Variants in NDUFS1 observed in about 807,000 individuals in gnomAD.
NDUFS1 encodes the protein NADH-ubiquinone oxidoreductase 75 kDa subunit, mitochondrial.
NDUFS1 carries 61 observed loss-of-function variants against 84.4 expected under a neutral mutation model. The ratio of observed to expected loss-of-function variants is 0.72; its 90% CI spans 0.59 to 0.89. NDUFS1 has a LOEUF of 0.89. Ranked by LOEUF, NDUFS1 falls within the 40% of genes least tolerant of loss-of-function variation. The pLI is 0.00. For synonymous variants in NDUFS1, 275 were observed against 290.0 expected (o/e 0.95, Z 0.53); for missense variants, 891 against 890.0 (o/e 1.00, Z -0.01).
chr2:206,126,936 A>G (rs1374097792), intron 16 of NDUFS1, 92 bp from the exon 17 acceptor site: 1 of 1,494,960 alleles, frequency 6.7e-7, no homozygotes, highest in Non-Finnish European at 9.2e-7. Flanking sequence ...GAAATAATGC[A>G]GCACTACTGA....
chr2:206,130,630 C>G (rs542464149), intron 14 of NDUFS1, among the ~76,000 whole-genome samples: 98 of 152,282 alleles, frequency 6.4e-4, no homozygotes, highest in African/African-American at 2.0e-3. Flanking sequence ...GCTGGGATTA[C>G]GGGTGTGAGC....
At chr2:206,156,367 G>A (rs1687654414) in intron 1 of NDUFS1, among the ~76,000 whole-genome samples, 1 of 149,442 alleles carries the variant, frequency 6.7e-6, no homozygotes, top group Non-Finnish European at 1.5e-5. Flanking sequence ...GGGTCTAACA[G>A]TTAGAGGCCA....
Position 206,142,719 on chromosome 2 carries a change from C to A in NDUFS1, c.1100G>T (p.Cys367Phe). ...LLNRVDSDTL[C>F]TEEVFPTAGA... ...TGCAGTGGGGAAGACCTCTTCAGTG[C>A]ATAAGGTGTCAGAGTCCACTCTATT... Residue 367 changes from cysteine (C) to phenylalanine (F), a missense_variant, in exon 11 of 19, where the codon TGC (cysteine) becomes TTC (phenylalanine). Physicochemically the swap from Cys to Phe is radical, Grantham distance 205. Transcript: ENST00000233190. The A allele has an allele frequency of 1.9e-6, 3 of 1,614,176 alleles. No individual in the cohort carries two copies. The highest frequency in any genetic ancestry group is 2.5e-6 in the Non-Finnish European group (3 of 1,180,032).
intron 11 of NDUFS1, among the ~76,000 whole-genome samples, chr2:206,142,403 CG>C (rs1385180522): frequency 6.6e-6 from 1 of 151,542 alleles, no homozygotes; most frequent in Non-Finnish European, 1.5e-5. Flanking sequence ...TTAGTAGAGA[CG>C]GGGTTTCGCC....
At chr2:206,151,348 A>C (rs1199718108) in intron 3 of NDUFS1, among the ~76,000 whole-genome samples, 9 of 152,198 alleles carry the variant, frequency 5.9e-5, no homozygotes, top group Admixed American at 3.9e-4. Context: ...AAAATATGAC[A>C]AGCTATCTGC....
chr2:206,147,110 A>T (rs1157010039), intron 7 of NDUFS1, 22 bp from the exon 8 acceptor site: 1 of 1,612,740 alleles, frequency 6.2e-7, no homozygotes, highest in Non-Finnish European at 8.5e-7. Flanking sequence ...AAAATGTGTC[A>T]TCAATGGTCA....
chr2:206,138,745 G>T, intron 12 of NDUFS1, 131 bp from the exon 13 acceptor site: 2 of 997,258 alleles, frequency 2.0e-6, no homozygotes, highest in East Asian at 2.6e-5. Flanking sequence ...TAACAGATAT[G>T]ATTTACTACG....
intron 3 of NDUFS1, among the ~76,000 whole-genome samples, chr2:206,150,221 T>C (rs929020111): frequency 1.2e-4 from 18 of 152,230 alleles, no homozygotes; most frequent in South Asian, 2.1e-4. Context: ...CACATCCATT[T>C]TGAACCATTG....
intron 10 of NDUFS1, 137 bp from the exon 11 acceptor site, chr2:206,142,968 A>G: frequency 8.1e-7 from 1 of 1,235,202 alleles, no homozygotes; most frequent in Non-Finnish European, 1.1e-6. Context: ...GTTTTACAAC[A>G]TGCCCAGGCA....
Position 206,152,432 on chromosome 2 carries a change from G to A in NDUFS1, c.140C>T (p.Thr47Met), listed in dbSNP as rs771746600. 1.7e-5 allele frequency: 27 copies of A among 1,613,820 alleles called. No homozygotes were observed. Among genetic ancestry groups the A allele is most frequent in the South Asian group, 4.4e-5 (4 of 91,084 alleles). Residue 47 changes from threonine (T) to methionine (M), a missense_variant, in exon 3 of 19, where the codon ACG becomes ATG. Physicochemically the swap from Thr to Met is moderately conservative, Grantham distance 81. Transcript: ENST00000233190. The part of the protein sequence containing the change: ...DGQSVMVEPG[T>M]TVLQACEKVG... ...ATGTATGCCTACTTGGAGGACGGTC[G>A]TTCCCGGTTCCACCATGACAGACTG... is the stretch of plus-strand genomic sequence containing the variant.
chr2:206,140,276 G>A (rs943734564), intron 12 of NDUFS1, among the ~76,000 whole-genome samples: 1 of 152,076 alleles, frequency 6.6e-6, no homozygotes, highest in South Asian at 2.1e-4. Context: ...TTGAGCCCAG[G>A]AGGTCAAGGC....
At position 206,116,220 on chromosome 2, in the gene NDUFS1, G is replaced by A; in HGVS notation, c.*7965C>T. The A allele has an allele frequency of 7.4e-7, 1 of 1,351,062 alleles. No individual in the cohort carries two copies. The highest frequency in any genetic ancestry group is 1.1e-6 in the Non-Finnish European group (1 of 940,216). The allele number at this position is 1,351,062 out of a possible 1,614,324, so 83.7% of individuals were successfully genotyped here. On this transcript the variant is annotated 3_prime_UTR_variant, in exon 19 of 19. Transcript: ENST00000233190. ...TTGATCAGCCAACCATCTTCATAAC[G>A]AGATTTGTTTACAAGTCCTGGATTT...
Position 206,147,749 on chromosome 2 carries a change from A to G in NDUFS1, c.420+4T>C. Reference sequence around the variant, plus strand: ...AAAAAGATTGACAGAATTCTACTACATACCTGCAGATCACATTCACCTCCC... The same window carrying G: ...AAAAAGATTGACAGAATTCTACTACGTACCTGCAGATCACATTCACCTCCC... On this transcript the variant is annotated splice_donor_region_variant and intron_variant, in intron 6 of 18. Transcript: ENST00000233190. 3 of 1,613,980 alleles carry G rather than the reference A, an allele frequency of 1.9e-6. No homozygotes were observed. Among genetic ancestry groups the G allele is most frequent in the Non-Finnish European group, 2.5e-6 (3 of 1,179,874 alleles).
intron 13 of NDUFS1, 82 bp downstream of exon 13, chr2:206,138,403 A>G (rs1157347204): frequency 1.7e-5 from 26 of 1,509,614 alleles, no homozygotes; most frequent in Non-Finnish European, 2.1e-5. Context: ...TAACACTTAC[A>G]TAGGATTATT....
chr2:206,115,690 CA>C lies in NDUFS1; in HGVS notation c.*8494del. The C allele has an allele frequency of 5.0e-6, 2 of 401,312 alleles. No homozygotes were observed. Among genetic ancestry groups the C allele is most frequent in the Non-Finnish European group, 9.6e-6 (2 of 209,218 alleles). The allele number at this position is 401,312 out of a possible 1,614,324, so 24.9% of individuals were successfully genotyped here. On this transcript the variant is annotated 3_prime_UTR_variant, in exon 19 of 19. Coordinates refer to ENST00000233190, the MANE Select transcript of NDUFS1 (RefSeq NM_005006.7). Reference sequence around the variant, plus strand: ...TCTTCATCTGACACTGTACAAGCAACAAAAACTTCTTCACTCCCAGTTATTT... The same window carrying C: ...TCTTCATCTGACACTGTACAAGCAACAAAACTTCTTCACTCCCAGTTATTT...
intron 15 of NDUFS1, among the ~76,000 whole-genome samples, chr2:206,128,531 A>G (rs1691383488): frequency 6.6e-6 from 1 of 151,494 alleles, no homozygotes; most frequent in Admixed American, 6.6e-5. Flanking sequence ...TGATCCCAGC[A>G]CTTTGGGAGG....
intron 11 of NDUFS1, 111 bp downstream of exon 11, chr2:206,142,575 T>C (rs1692003529): frequency 3.0e-6 from 4 of 1,343,840 alleles, no homozygotes; most frequent in Non-Finnish European, 2.1e-6. Context: ...TTGGTCTATA[T>C]ATGAAAATAA....
rs565165828 is a variant in NDUFS1, at chr2:206,114,840, T to G, written c.*9345A>C. 2.0e-5 allele frequency: 3 copies of G among 152,374 alleles called. No homozygotes were observed. In the South Asian group the frequency reaches 6.2e-4, roughly 32 times the overall value. 9.4% of individuals were successfully genotyped at this position (152,374 alleles called of 1,614,324 possible). ...GGTAATCACAATTAAGTTTTTATTG[T>G]ATCTGCTGAGATACTTTCCATACAC... is the stretch of plus-strand genomic sequence containing the variant. On this transcript the variant is annotated 3_prime_UTR_variant, in exon 19 of 19. Coordinates refer to ENST00000233190, the MANE Select transcript of NDUFS1 (RefSeq NM_005006.7).
At position 206,115,149 on chromosome 2, in the gene NDUFS1, G is replaced by A. The variant is rs1448711848; in HGVS notation, c.*9036C>T. ...AGTCTCACTCATATCTGATTTAGATGAGACTTTGGACTTTGACTTTAAAGT... is the reference window on the plus strand; with the variant it reads ...AGTCTCACTCATATCTGATTTAGATAAGACTTTGGACTTTGACTTTAAAGT... On this transcript the variant is annotated 3_prime_UTR_variant, in exon 19 of 19. Transcript: ENST00000233190. The A allele has an allele frequency of 6.6e-6, 1 of 152,212 alleles. No homozygotes were observed. Among genetic ancestry groups the A allele is most frequent in the African/African-American group, 2.4e-5 (1 of 41,450 alleles). 9.4% of individuals were successfully genotyped at this position (152,212 alleles called of 1,614,324 possible).
Sources: allele counts gnomAD v4.1 joint callset (sites outside exome capture counted in the v4.1 genomes callset), GRCh38; gene constraint gnomAD v4.1.1; transcripts MANE v1.5; gene names NCBI Gene and HGNC (gene_info 2026-07-23, HGNC 2026-07-21).